The following RSRC1 variants were observed in gnomAD, a reference collection of about 807,000 sequenced individuals.
The protein encoded by RSRC1 is arginine and serine rich coiled-coil 1.
RSRC1 carries 39 observed loss-of-function variants against 49.1 expected under a neutral mutation model. The ratio of observed to expected loss-of-function variants is 0.79; its 90% CI spans 0.61 to 1.04. The LOEUF is 1.04. RSRC1 is among the 50% of genes least tolerant of loss of function. The probability of loss-of-function intolerance (pLI) is 0.00; values close to 1 mark genes in which losing one functional copy is unlikely to be tolerated. For synonymous variants in RSRC1, 143 were observed against 130.8 expected (o/e 1.09, Z -0.63); for missense variants, 388 against 402.4 (o/e 0.96, Z 0.31).
At chr3:158,423,523 C>T (rs1424726817) in intron 6 of RSRC1, among the ~76,000 whole-genome samples, 1 of 152,182 alleles carries the variant, frequency 6.6e-6, no homozygotes, top group Non-Finnish European at 1.5e-5. Context: ...ATGCCTCCAG[C>T]TTTGTTCTTT....
chr3:158,143,197 T>C (rs1716860898), intron 3 of RSRC1, among the ~76,000 whole-genome samples: 1 of 152,140 alleles, frequency 6.6e-6, no homozygotes, highest in Non-Finnish European at 1.5e-5. Flanking sequence ...TCCTGGTTGA[T>C]TGTTTGAAAT....
Position 158,539,365 on chromosome 3 carries a change from A to G in RSRC1, c.759+2167A>G, listed in dbSNP as rs927431268. Among the ~76,000 whole-genome samples the G allele has an allele frequency of 1.3e-5, 2 of 152,062 alleles. No homozygotes were observed. Among genetic ancestry groups the G allele is most frequent in the African/African-American group, 4.8e-5 (2 of 41,436 alleles). On this transcript the variant is annotated intron_variant, in intron 8 of 9. Coordinates refer to ENST00000611884, the MANE Select transcript of RSRC1 (RefSeq NM_001271838.2). This position sits in a 1 kb window ranked among gnomAD's most constrained non-coding sequence, Gnocchi z 4.1. Reference sequence around the variant, plus strand: ...TCCTGCAACACATATTGATTTAACTAGTTTTACTCTCTGAAATCGTATTTC... The same window carrying G: ...TCCTGCAACACATATTGATTTAACTGGTTTTACTCTCTGAAATCGTATTTC...
At chr3:158,436,595 A>G (rs1038561097) in intron 6 of RSRC1, among the ~76,000 whole-genome samples, 2 of 151,912 alleles carry the variant, frequency 1.3e-5, no homozygotes, top group Non-Finnish European at 2.9e-5. Flanking sequence ...TCCCTAAATG[A>G]AATTTTGTTG....
At chr3:158,183,179 A>G (rs1179205808) in intron 3 of RSRC1, among the ~76,000 whole-genome samples, 1 of 152,122 alleles carries the variant, frequency 6.6e-6, no homozygotes, top group East Asian at 1.9e-4. Context: ...TTCTATTTAA[A>G]TTATCCATAA....
At chr3:158,437,845 G>A (rs1736135584) in intron 6 of RSRC1, among the ~76,000 whole-genome samples, 1 of 152,022 alleles carries the variant, frequency 6.6e-6, no homozygotes, top group South Asian at 2.1e-4. Flanking sequence ...AAGAAATAAA[G>A]GGTATTCAAT....
chr3:158,319,160 G>T (rs1559990886), intron 5 of RSRC1, among the ~76,000 whole-genome samples: 1 of 152,052 alleles, frequency 6.6e-6, no homozygotes. Flanking sequence ...ATCTCGAATT[G>T]TAATCCCCGT....
intron 7 of RSRC1, among the ~76,000 whole-genome samples, chr3:158,485,950 C>T (rs1171123217): frequency 2.6e-5 from 4 of 151,942 alleles, no homozygotes; most frequent in Non-Finnish European, 4.4e-5. Context: ...TAATTTAGTT[C>T]GGCATGATTT....
At chr3:158,428,764 G>A (rs1361297703) in intron 6 of RSRC1, among the ~76,000 whole-genome samples, 2 of 151,852 alleles carry the variant, frequency 1.3e-5, no homozygotes, top group East Asian at 1.9e-4. Flanking sequence ...ATATGAGTTA[G>A]GTCCCACCAG....
intron 3 of RSRC1, among the ~76,000 whole-genome samples, chr3:158,181,585 A>ATC (rs34210149): frequency 0.29 from 43,913 of 152,012 alleles, 7,107 homozygotes; most frequent in East Asian, 0.64. Context: ...CTTAGATGTT[A>ATC]TCATCATAGT....
At chr3:158,302,057 C>T (rs10696070) in intron 5 of RSRC1, among the ~76,000 whole-genome samples, 5 of 143,720 alleles carry the variant, frequency 3.5e-5, no homozygotes, top group East Asian at 2.0e-4. Context: ...TTTTGTTTTC[C>T]TTTTTTTTTG....
intron 6 of RSRC1, among the ~76,000 whole-genome samples, chr3:158,443,862 G>A (rs1441954402): frequency 6.6e-6 from 1 of 152,092 alleles, no homozygotes; most frequent in Non-Finnish European, 1.5e-5. Flanking sequence ...GCTATTGTAG[G>A]GTTGCTGATG....
chr3:158,496,027 A>T (rs1251576924), intron 7 of RSRC1, among the ~76,000 whole-genome samples: 1 of 152,228 alleles, frequency 6.6e-6, no homozygotes, highest in Non-Finnish European at 1.5e-5. Flanking sequence ...TGTACATAAA[A>T]GAGAAATTAT....
At chr3:158,259,504 G>T (rs1475994910) in intron 4 of RSRC1, among the ~76,000 whole-genome samples, 4 of 152,148 alleles carry the variant, frequency 2.6e-5, no homozygotes, top group African/African-American at 4.8e-5. Flanking sequence ...CACCATTACA[G>T]GGACTGTGCT....
chr3:158,156,622 T>A (rs1717895118), intron 3 of RSRC1, among the ~76,000 whole-genome samples: 1 of 152,220 alleles, frequency 6.6e-6, no homozygotes, highest in Non-Finnish European at 1.5e-5. Context: ...ACTTGAATAC[T>A]TAGAGGCCAT....
At chr3:158,131,423 T>C (rs1167838860) in intron 3 of RSRC1, among the ~76,000 whole-genome samples, 2 of 152,198 alleles carry the variant, frequency 1.3e-5, no homozygotes, top group East Asian at 3.8e-4. Context: ...GTCATTTCTA[T>C]GTACTGAAGA....
At chr3:158,122,027 TAAAA>T in intron 1 of RSRC1, 72 bp from the exon 2 acceptor site, 4 of 808,522 alleles carry the variant, frequency 4.9e-6, no homozygotes, top group Non-Finnish European at 1.8e-6. Context: ...ATAAATGAAA[TAAAA>T]AATTAATATA....
intron 5 of RSRC1, among the ~76,000 whole-genome samples, chr3:158,348,275 G>A (rs778609936): frequency 6.6e-6 from 1 of 152,158 alleles, no homozygotes; most frequent in Non-Finnish European, 1.5e-5. Flanking sequence ...GAATGGAAGT[G>A]AGAAAGGTAA....
chr3:158,270,246 C>G (rs1007217167), intron 4 of RSRC1, among the ~76,000 whole-genome samples: 1 of 152,018 alleles, frequency 6.6e-6, no homozygotes, highest in African/African-American at 2.4e-5. Flanking sequence ...AAGCTAACCC[C>G]AGGGATCTAA....
At chr3:158,448,823 A>G (rs899145273) in intron 6 of RSRC1, among the ~76,000 whole-genome samples, 13 of 152,092 alleles carry the variant, frequency 8.5e-5, no homozygotes, top group African/African-American at 3.1e-4. Context: ...TATGTGGGCC[A>G]TAAGATTTAA....
Sources: gnomAD v4.1 joint callset for allele counts (sites outside exome capture counted in the v4.1 genomes callset) on GRCh38, gnomAD v4.1.1 for gene constraint, Gnocchi (gnomAD v3.1) non-coding constraint, MANE v1.5 for transcripts, NCBI Gene and HGNC (gene_info 2026-07-23, HGNC 2026-07-21) for gene names.